TCF7L1: variants seen among roughly 807,000 people sequenced by gnomAD.
TCF7L1 encodes transcription factor 7-like 1.
In TCF7L1, 18 loss-of-function variants were observed where a neutral mutation model predicts 63.7. That is an observed-to-expected ratio of 0.28 (90% confidence interval 0.20 to 0.42). The LOEUF (loss-of-function observed/expected upper bound fraction) is 0.42. Among genes scored for constraint, TCF7L1 ranks in the 10% least tolerant of loss-of-function variants. TCF7L1 has a pLI of 1.00. For missense variants in TCF7L1, 654 were observed against 779.3 expected (o/e 0.84, Z 1.91); for synonymous variants, 355 against 340.9 (o/e 1.04, Z -0.46).
At chr2:85,152,928 G>A (rs1212692878) in intron 3 of TCF7L1, among the ~76,000 whole-genome samples, 1 of 152,152 alleles carries the variant, frequency 6.6e-6, no homozygotes, top group Non-Finnish European at 1.5e-5. Context: ...AGAGATAAGG[G>A]TCACAAGGAG....
At position 85,305,247 on chromosome 2, in the gene TCF7L1, A is replaced by G. The variant is rs1003052024; in HGVS notation, c.846-13A>G. On this transcript the variant is annotated splice_polypyrimidine_tract_variant and intron_variant, in intron 7 of 11. Transcript: ENST00000282111. ...AACCCCTCTGTTGCCATTTGTTTCTATCCGGTGCACAGCCTGGTCTCCAGT... is the reference window on the plus strand; with the variant it reads ...AACCCCTCTGTTGCCATTTGTTTCTGTCCGGTGCACAGCCTGGTCTCCAGT... The G allele has an allele frequency of 8.1e-6, 13 of 1,613,892 alleles. No homozygotes were observed. The highest frequency in any genetic ancestry group is 3.3e-5 in the South Asian group (3 of 91,082).
intron 3 of TCF7L1, among the ~76,000 whole-genome samples, chr2:85,168,434 G>A (rs115969466): frequency 0.015 from 2,269 of 152,232 alleles, 63 homozygotes; most frequent in African/African-American, 0.048. Flanking sequence ...AGGAGGGGTA[G>A]GGGTGGTTTA....
At position 85,309,403 on chromosome 2, in the gene TCF7L1, C is replaced by A; in HGVS notation, c.1708C>A (p.Gln570Lys). Residue 570 changes from glutamine to lysine, a missense_variant, in exon 12 of 12, where the codon CAG becomes AAG. By Grantham distance (53) the Gln-to-Lys change is moderately conservative (BLOSUM62 1). Around this residue, in one of 3 missense-constraint regions of TCF7L1, gnomAD observed 184 missense variants for 204.0 expected, o/e 0.90. Coordinates refer to ENST00000282111, the MANE Select transcript of TCF7L1 (RefSeq NM_031283.3). ...PSFPATLHAHQALPVLQAQPL... is the reference protein window; with the variant it reads ...PSFPATLHAHKALPVLQAQPL... Reference sequence around the variant, plus strand: ...CTTCCCCGCCACGCTCCATGCCCACCAGGCCCTCCCGGTGCTACAGGCCCA... The same window carrying A: ...CTTCCCCGCCACGCTCCATGCCCACAAGGCCCTCCCGGTGCTACAGGCCCA... 6.3e-7 allele frequency: 1 copy of A among 1,587,148 alleles called. No individual in the cohort carries two copies. Among genetic ancestry groups the A allele is most frequent in the Non-Finnish European group, 8.6e-7 (1 of 1,165,886 alleles).
intron 3 of TCF7L1, among the ~76,000 whole-genome samples, chr2:85,159,937 T>C (rs1223832638): frequency 6.6e-6 from 1 of 152,184 alleles, no homozygotes; most frequent in Non-Finnish European, 1.5e-5. Flanking sequence ...CCCTGACCGA[T>C]GCCCACTGGC....
chr2:85,166,469 C>G (rs1049470256), intron 3 of TCF7L1, among the ~76,000 whole-genome samples: 1 of 152,166 alleles, frequency 6.6e-6, no homozygotes, highest in Non-Finnish European at 1.5e-5. Flanking sequence ...GGGGACAGGT[C>G]AGGAATAAAT....
chr2:85,189,840 C>T (rs1421349503), intron 3 of TCF7L1, among the ~76,000 whole-genome samples: 1 of 152,130 alleles, frequency 6.6e-6, no homozygotes, highest in Non-Finnish European at 1.5e-5. Flanking sequence ...CATGAGAATG[C>T]GCCCACTCGG....
chr2:85,178,643 T>C (rs1678731501), intron 3 of TCF7L1, among the ~76,000 whole-genome samples: 1 of 152,178 alleles, frequency 6.6e-6, no homozygotes, highest in African/African-American at 2.4e-5. Context: ...TGGTTATTTG[T>C]CCATTTTATA....
chr2:85,242,417 T>TC (rs770593121), intron 3 of TCF7L1, among the ~76,000 whole-genome samples: 3 of 152,208 alleles, frequency 2.0e-5, no homozygotes, highest in Non-Finnish European at 4.4e-5. Context: ...GAAGGAATGG[T>TC]CCTCCATCAC....
chr2:85,154,548 G>A (rs1462867344), intron 3 of TCF7L1, among the ~76,000 whole-genome samples: 4 of 152,164 alleles, frequency 2.6e-5, no homozygotes, highest in South Asian at 2.1e-4. Flanking sequence ...CCTACTCCCC[G>A]TCACCCCATG....
chr2:85,235,594 C>T (rs56199411), intron 3 of TCF7L1, among the ~76,000 whole-genome samples: 1,604 of 152,104 alleles, frequency 0.011, 17 homozygotes, highest in Non-Finnish European at 0.018. Flanking sequence ...AGAAGCCTCG[C>T]GGAGCTCAAC....
intron 3 of TCF7L1, among the ~76,000 whole-genome samples, chr2:85,208,037 G>C (rs997774208): frequency 6.6e-6 from 1 of 152,072 alleles, no homozygotes; most frequent in Non-Finnish European, 1.5e-5. Context: ...CTCCTGAGTA[G>C]CTGGGACTAC....
At chr2:85,274,450 T>A (rs1292044974) in intron 3 of TCF7L1, among the ~76,000 whole-genome samples, 1 of 152,120 alleles carries the variant, frequency 6.6e-6, no homozygotes, top group Non-Finnish European at 1.5e-5. Flanking sequence ...CCTAGCCAAG[T>A]GTCCGGCTCT....
rs1382378105 is a variant in TCF7L1 at position 85,307,492 on chromosome 2, C to T, written c.1258-150C>T. 8 of 623,648 alleles carry T rather than the reference C, an allele frequency of 1.3e-5. 1 individual carries two copies. The highest frequency in any genetic ancestry group is 9.0e-5 in the East Asian group (3 of 33,312). 38.6% of individuals were successfully genotyped at this position (623,648 alleles called of 1,614,324 possible). On this transcript the variant is annotated intron_variant, in intron 10 of 11. Coordinates refer to ENST00000282111, the MANE Select transcript of TCF7L1 (RefSeq NM_031283.3). ...CCCTCTGCCTCCTCACGGGCTCCCA[C>T]GGCTGTGATCTGAATTATCTCTCCA...
At chr2:85,273,841 G>T (rs903905960) in intron 3 of TCF7L1, among the ~76,000 whole-genome samples, 1 of 152,184 alleles carries the variant, frequency 6.6e-6, no homozygotes, top group Non-Finnish European at 1.5e-5. Context: ...CTATGCCGGC[G>T]AATGGAGTGG....
chr2:85,280,112 T>C (rs180995166), intron 3 of TCF7L1, among the ~76,000 whole-genome samples: 5 of 152,254 alleles, frequency 3.3e-5, no homozygotes, highest in South Asian at 2.1e-4. Flanking sequence ...TTGCAGTCTA[T>C]TGGGTGCCAG....
chr2:85,153,073 A>G (rs933243459), intron 3 of TCF7L1, among the ~76,000 whole-genome samples: 1 of 152,236 alleles, frequency 6.6e-6, no homozygotes, highest in Non-Finnish European at 1.5e-5. Context: ...TTGGTCACCT[A>G]TGTGATTACA....
chr2:85,236,919 G>A (rs2104319100), intron 3 of TCF7L1, among the ~76,000 whole-genome samples: 1 of 152,300 alleles, frequency 6.6e-6, no homozygotes, highest in East Asian at 1.9e-4. Flanking sequence ...CCACCACGGG[G>A]CGAGGGCATC....
At chr2:85,295,420 C>T (rs927316560) in intron 4 of TCF7L1, among the ~76,000 whole-genome samples, 3 of 152,060 alleles carry the variant, frequency 2.0e-5, no homozygotes, top group Admixed American at 6.6e-5. Context: ...AGGCTGGTCT[C>T]GAACTCCCGA....
At chr2:85,145,965 C>T (rs925797637) in intron 3 of TCF7L1, among the ~76,000 whole-genome samples, 24 of 152,168 alleles carry the variant, frequency 1.6e-4, no homozygotes, top group African/African-American at 5.8e-4. Context: ...TCCACCTCGA[C>T]CTCCCAAAGT....
Sources: allele counts gnomAD v4.1 joint callset (sites outside exome capture counted in the v4.1 genomes callset), GRCh38; gene constraint gnomAD v4.1.1; regional missense constraint gnomAD v4.1.1; transcripts MANE v1.5; gene names NCBI Gene and HGNC (gene_info 2026-07-23, HGNC 2026-07-21).